The following DEFB119 variants were observed in gnomAD, a reference collection of about 807,000 sequenced individuals.
The protein encoded by DEFB119 is beta-defensin 119.
In DEFB119, 3 loss-of-function variants were observed where a neutral mutation model predicts 2.5. The observed-to-expected ratio is 1.19, with a 90% CI of 0.54 to 3.07. DEFB119 has a LOEUF of 3.07. Ranked by LOEUF, DEFB119 falls within the 30% of genes most tolerant of loss-of-function variation. DEFB119 has a pLI of 0.03. For missense variants in DEFB119, 113 were observed against 101.1 expected (o/e 1.12, Z -0.50); for synonymous variants, 29 against 33.7 (o/e 0.86, Z 0.48).
intron 1 of DEFB119, among the ~76,000 whole-genome samples, chr20:31,387,707 A>T (rs1361063873): frequency 6.6e-6 from 1 of 151,984 alleles, no homozygotes; most frequent in Non-Finnish European, 1.5e-5. Context: ...CCAGGGAGGG[A>T]CCTTGAGGAA....
intron 1 of DEFB119, among the ~76,000 whole-genome samples, chr20:31,381,728 T>A (rs1403423026): frequency 6.6e-6 from 1 of 152,122 alleles, no homozygotes; most frequent in Non-Finnish European, 1.5e-5. Flanking sequence ...GGAGGATCAC[T>A]TGAGCCCAGG....
At chr20:31,390,633 C>A, upstream of DEFB119, 1 of 682,488 alleles carries the variant, frequency 1.5e-6, no homozygotes, top group Non-Finnish European at 2.5e-6. Flanking sequence ...GTCATCCAGG[C>A]CAAAGGACAG....
intron 1 of DEFB119, among the ~76,000 whole-genome samples, chr20:31,383,043 G>A (rs6088036): frequency 0.49 from 74,504 of 152,062 alleles, 19,208 homozygotes; most frequent in East Asian, 0.75. Flanking sequence ...AAGAAATGTT[G>A]AGTGCTGAGG....
At position 31,389,083 on chromosome 20, in the gene DEFB119, G is replaced by T. The variant is rs556128922; in HGVS notation, c.61+1340C>A. 3.3e-5 allele frequency: 54 copies of T among 1,614,146 alleles called. No homozygotes were observed. In the East Asian group the frequency reaches 1.1e-3, roughly 33 times the overall value. ...AGCTGTTGTGGACATCTGAGGAGTG[G>T]TCCAGCCAAGGATTCCATGAATTGT... On this transcript the variant is annotated intron_variant, in intron 1 of 1. Transcript: ENST00000376321.
At chr20:31,379,739 C>A (rs1453446765) in intron 1 of DEFB119, among the ~76,000 whole-genome samples, 1 of 151,476 alleles carries the variant, frequency 6.6e-6, no homozygotes, top group Non-Finnish European at 1.5e-5. Context: ...TATCTCAGCT[C>A]ACTGCAAGCT....
intron 1 of DEFB119, among the ~76,000 whole-genome samples, chr20:31,382,447 T>A (rs564687391): frequency 1.8e-4 from 28 of 152,326 alleles, no homozygotes; most frequent in African/African-American, 6.5e-4. Context: ...CCTAGAATTT[T>A]GAGGATTAGT....
intron 1 of DEFB119, among the ~76,000 whole-genome samples, chr20:31,380,190 G>A (rs777279582): frequency 3.9e-5 from 6 of 151,924 alleles, no homozygotes; most frequent in African/African-American, 9.7e-5. Context: ...CCAAACACAC[G>A]GTCTGAATGT....
At chr20:31,388,130 C>T (rs1986782457) in intron 1 of DEFB119, 2 of 985,230 alleles carry the variant, frequency 2.0e-6, no homozygotes, top group Admixed American at 6.2e-5. Flanking sequence ...CACCCAGATT[C>T]TCTAGATTCC....
chr20:31,384,211 T>A (rs1334584463), intron 1 of DEFB119, among the ~76,000 whole-genome samples: 1 of 152,330 alleles, frequency 6.6e-6, no homozygotes, highest in East Asian at 1.9e-4. Flanking sequence ...GAATAAGATC[T>A]GGTATTTGAT....
At chr20:31,378,429 A>G (rs972502203) in intron 1 of DEFB119, 1 of 1,613,504 alleles carries the variant, frequency 6.2e-7, no homozygotes, top group African/African-American at 1.3e-5. Flanking sequence ...GATCATTGAA[A>G]TATGATCCAG....
chr20:31,384,496 A>C (rs547861358), intron 1 of DEFB119, among the ~76,000 whole-genome samples: 22 of 152,342 alleles, frequency 1.4e-4, no homozygotes, highest in African/African-American at 5.1e-4. Flanking sequence ...AGTAAACTAT[A>C]AGAAGAAAGA....
At chr20:31,382,268 C>G (rs1205426470) in intron 1 of DEFB119, among the ~76,000 whole-genome samples, 1 of 151,986 alleles carries the variant, frequency 6.6e-6, no homozygotes, top group Non-Finnish European at 1.5e-5. Context: ...AATAAATAAC[C>G]TAAGGGGCTA....
intron 1 of DEFB119, chr20:31,378,352 C>G (rs1986378427): frequency 6.2e-7 from 1 of 1,614,072 alleles, no homozygotes; most frequent in Admixed American, 1.7e-5. Context: ...TTCCACCCAC[C>G]TGGCAGTATC....
At chr20:31,386,727 A>C (rs370614605) in intron 1 of DEFB119, among the ~76,000 whole-genome samples, 1 of 152,240 alleles carries the variant, frequency 6.6e-6, no homozygotes, top group African/African-American at 2.4e-5. Context: ...GATAGGAGGA[A>C]TAAGTTCTAG....
chr20:31,388,904 CT>C (rs1986812300), intron 1 of DEFB119: 2 of 1,500,538 alleles, frequency 1.3e-6, no homozygotes, highest in South Asian at 1.3e-5. Context: ...TCACCTCCCC[CT>C]GCCATCCCCC....
rs1258392147 is a variant in DEFB119 at position 31,377,447 on chromosome 20, AGG to A, written c.62-10_62-9del. 1.2e-6 allele frequency: 2 copies of A among 1,607,886 alleles called. No homozygotes were observed. The highest frequency in any genetic ancestry group is 1.7e-5 in the Admixed American group (1 of 58,856). On this transcript the variant is annotated splice_polypyrimidine_tract_variant and intron_variant, in intron 1 of 1. Transcript: ENST00000376321. ...GAAGGATGTGGCGTTTGCCTGCCAA[AGG>A]AAAAAAAATACAAATAGTTAATTCA...
chr20:31,390,606 GA>G (rs1254073978), upstream of DEFB119: 1 of 903,652 alleles, frequency 1.1e-6, no homozygotes, highest in Non-Finnish European at 1.7e-6. Flanking sequence ...ATTAGAACAG[GA>G]GGGGATTTAT....
Position 31,378,029 on chromosome 20 carries a change from G to A in DEFB119, c.62-590C>T, listed in dbSNP as rs376366217. On this transcript the variant is annotated intron_variant, in intron 1 of 1. Transcript: ENST00000376321. ...TGCTGTAAGGAGGTGTAACCTCCCA[G>A]AGTGGAACCCAAGTGGGGAGCGGGG... Among the ~76,000 whole-genome samples, 9 of 152,312 alleles carry A rather than the reference G, an allele frequency of 5.9e-5. No homozygotes were observed. The East Asian group carries it at 1.3e-3, about 23-fold the overall frequency.
At chr20:31,387,884 G>A (rs1383165354) in intron 1 of DEFB119, among the ~76,000 whole-genome samples, 1 of 152,188 alleles carries the variant, frequency 6.6e-6, no homozygotes, top group African/African-American at 2.4e-5. Context: ...GAGGGACTTA[G>A]CCAGAGGAGG....
Sources: gnomAD v4.1 joint callset for allele counts (sites outside exome capture counted in the v4.1 genomes callset) on GRCh38, gnomAD v4.1.1 for gene constraint, MANE v1.5 for transcripts, NCBI Gene and HGNC (gene_info 2026-07-23, HGNC 2026-07-21) for gene names.